Variants in ROBO2 observed in about 807,000 individuals in gnomAD.
ROBO2 encodes the protein roundabout homolog 2.
In ROBO2, 53 loss-of-function variants were observed where a neutral mutation model predicts 160.8. The observed-to-expected ratio is 0.33, with a 90% CI of 0.26 to 0.41. The LOEUF (loss-of-function observed/expected upper bound fraction) is 0.41, where lower values mean the gene tolerates loss of function less well. Among genes scored for constraint, ROBO2 ranks in the 10% least tolerant of loss-of-function variants. The pLI is 1.00. For synonymous variants in ROBO2, 664 were observed against 611.7 expected (o/e 1.09, Z -1.26); for missense variants, 1,577 against 1,722.4 (o/e 0.92, Z 1.49).
At chr3:77,284,265 A>T (rs1192036868) in intron 2 of ROBO2, among the ~76,000 whole-genome samples, 2 of 152,102 alleles carry the variant, frequency 1.3e-5, no homozygotes, top group Non-Finnish European at 2.9e-5. Context: ...TCACAGGAGA[A>T]ATTTACTAAC....
At chr3:76,064,131 AG>A (rs1333012496) in intron 2 of ROBO2, among the ~76,000 whole-genome samples, 1 of 152,206 alleles carries the variant, frequency 6.6e-6, no homozygotes, top group Non-Finnish European at 1.5e-5. Flanking sequence ...TGAGAATTGC[AG>A]ACTGGTCGAC....
At chr3:76,400,623 G>A (rs529941468) in intron 2 of ROBO2, among the ~76,000 whole-genome samples, 1 of 151,638 alleles carries the variant, frequency 6.6e-6, no homozygotes, top group African/African-American at 2.4e-5. Flanking sequence ...AGTATAGCAA[G>A]ATATCAGAAG....
In ROBO2 at chr3:76,138,251, G is replaced by A. The variant is rs187492623; in HGVS notation, c.109+200649G>A. On this transcript the variant is annotated intron_variant, in intron 2 of 26. Coordinates refer to the ROBO2 transcript ENST00000487694. Reference sequence around the variant, plus strand: ...ATAGAGAAAAGCACTTTTATGTTGCGCTTCATATGGTCATATTTGGTTACT... The same window carrying A: ...ATAGAGAAAAGCACTTTTATGTTGCACTTCATATGGTCATATTTGGTTACT... Among the ~76,000 whole-genome samples, 169 of 151,808 alleles carry A rather than the reference G, an allele frequency of 1.1e-3. 4 individuals are homozygous for A. In the East Asian group the frequency reaches 0.017, roughly 16 times the overall value.
intron 1 of ROBO2, among the ~76,000 whole-genome samples, chr3:77,088,050 TG>T (rs1246145502): frequency 6.6e-6 from 1 of 152,126 alleles, no homozygotes; most frequent in Non-Finnish European, 1.5e-5. Flanking sequence ...AGACAGTCAG[TG>T]GCTCAATTTT....
chr3:76,006,200 C>A (rs2066015525), intron 2 of ROBO2, among the ~76,000 whole-genome samples: 4 of 152,038 alleles, frequency 2.6e-5, no homozygotes, highest in Admixed American at 2.6e-4. Flanking sequence ...TTATACATTT[C>A]ATTTTCAGGG....
At chr3:76,256,352 T>TCTCTCA (rs1553689348) in intron 2 of ROBO2, among the ~76,000 whole-genome samples, 2 of 69,900 alleles carry the variant, frequency 2.9e-5, no homozygotes, top group Non-Finnish European at 2.9e-5. Context: ...TCTCTCTCTC[T>TCTCTCA]CACATACACA....
At chr3:77,412,195 C>G (rs1196007366) in intron 2 of ROBO2, among the ~76,000 whole-genome samples, 2 of 152,192 alleles carry the variant, frequency 1.3e-5, no homozygotes, top group African/African-American at 4.8e-5. Context: ...CCAAAGACAT[C>G]TGTAGGTTCT....
At chr3:77,556,968 T>C (rs1217042293) in intron 8 of ROBO2, among the ~76,000 whole-genome samples, 3 of 151,882 alleles carry the variant, frequency 2.0e-5, no homozygotes, top group Non-Finnish European at 4.4e-5. Flanking sequence ...GATTATATGG[T>C]GATCTTCTAA....
At chr3:76,141,270 A>T (rs2071658898) in intron 2 of ROBO2, among the ~76,000 whole-genome samples, 1 of 144,886 alleles carries the variant, frequency 6.9e-6, no homozygotes, top group Non-Finnish European at 1.5e-5. Context: ...TCATGGAAGA[A>T]GCGATAGCCA....
At chr3:77,395,749 T>C (rs928037304) in intron 2 of ROBO2, among the ~76,000 whole-genome samples, 1 of 152,122 alleles carries the variant, frequency 6.6e-6, no homozygotes, top group African/African-American at 2.4e-5. Flanking sequence ...ATTACCAGAA[T>C]TTTTAAGGGA....
At chr3:76,589,994 C>A (rs1285962045) in intron 2 of ROBO2, among the ~76,000 whole-genome samples, 1 of 151,908 alleles carries the variant, frequency 6.6e-6, no homozygotes, top group Non-Finnish European at 1.5e-5. Flanking sequence ...AATGTATGTT[C>A]CGGATAATGA....
At chr3:76,813,570 G>A (rs1284763328) in intron 2 of ROBO2, among the ~76,000 whole-genome samples, 5 of 152,060 alleles carry the variant, frequency 3.3e-5, no homozygotes, top group South Asian at 4.1e-4. Flanking sequence ...TGAGTGATAC[G>A]AAGTAACTAT....
At chr3:76,024,681 GTAA>G (rs965678153) in intron 2 of ROBO2, among the ~76,000 whole-genome samples, 10 of 151,564 alleles carry the variant, frequency 6.6e-5, no homozygotes, top group Admixed American at 2.6e-4. Context: ...AAATGAATTA[GTAA>G]TAATGTTTAA....
intron 4 of ROBO2, among the ~76,000 whole-genome samples, chr3:77,487,003 G>C (rs369090854): frequency 6.6e-6 from 1 of 152,132 alleles, no homozygotes; most frequent in Admixed American, 6.6e-5. Flanking sequence ...ACGATGTTCA[G>C]ATTGAGAACT....
intron 2 of ROBO2, among the ~76,000 whole-genome samples, chr3:76,534,856 G>A (rs577441874): frequency 3.3e-5 from 5 of 152,228 alleles, no homozygotes; most frequent in Non-Finnish European, 7.4e-5. Context: ...AGAGCATTGA[G>A]AGGTGATGGT....
At chr3:75,953,635 C>T (rs984584783) in intron 2 of ROBO2, among the ~76,000 whole-genome samples, 1 of 151,836 alleles carries the variant, frequency 6.6e-6, no homozygotes, top group Non-Finnish European at 1.5e-5. Flanking sequence ...TTTATCATTT[C>T]ACATGACTTA....
At chr3:76,110,999 A>G (rs1269086071) in intron 2 of ROBO2, among the ~76,000 whole-genome samples, 2 of 152,062 alleles carry the variant, frequency 1.3e-5, no homozygotes. Flanking sequence ...TGGCCTGCCT[A>G]GTGTTAATGG....
intron 2 of ROBO2, among the ~76,000 whole-genome samples, chr3:76,322,023 A>G (rs2072570989): frequency 6.6e-6 from 1 of 151,826 alleles, no homozygotes; most frequent in Non-Finnish European, 1.5e-5. Context: ...GGCTGGTCCT[A>G]TTCTCTTAGT....
At chr3:76,494,720 C>T (rs1416531124) in intron 2 of ROBO2, among the ~76,000 whole-genome samples, 5 of 152,052 alleles carry the variant, frequency 3.3e-5, no homozygotes, top group Non-Finnish European at 7.4e-5. Context: ...GTTGGGGTGG[C>T]GTATTCTGTT....
Sources: allele counts gnomAD v4.1 joint callset (sites outside exome capture counted in the v4.1 genomes callset), GRCh38; gene constraint gnomAD v4.1.1; transcripts MANE v1.5; gene names NCBI Gene and HGNC (gene_info 2026-07-23, HGNC 2026-07-21).